The following SYNRG variants were observed in gnomAD, a reference collection of about 807,000 sequenced individuals.
SYNRG encodes the protein AP1 gamma subunit binding protein 1.
A neutral mutation model predicts 130.9 loss-of-function variants in SYNRG; 37 were observed. That is an observed-to-expected ratio of 0.28 (90% CI 0.22 to 0.37). The LOEUF (loss-of-function observed/expected upper bound fraction) is 0.37. Ranked by LOEUF, SYNRG falls within the 10% of genes least tolerant of loss-of-function variation. SYNRG has a pLI of 1.00. For missense variants in SYNRG, 1,338 were observed against 1,588.9 expected (o/e 0.84, Z 2.68); for synonymous variants, 539 against 568.1 (o/e 0.95, Z 0.73).
At chr17:37,541,936 A>G in intron 15 of SYNRG, 36 bp downstream of exon 15, 1 of 1,570,394 alleles carries the variant, frequency 6.4e-7, no homozygotes, top group South Asian at 1.1e-5. Context: ...GTGGAAAAAA[A>G]CCACAATAGT....
intron 6 of SYNRG, among the ~76,000 whole-genome samples, chr17:37,581,259 TTATTATTATTATTAC>T (rs1598490356): frequency 6.7e-6 from 1 of 148,442 alleles, no homozygotes; most frequent in Non-Finnish European, 1.5e-5. Context: ...TTCTTCACAT[TTATTATTATTATTAC>T]TATTATTATT....
At chr17:37,576,553 T>TC in intron 7 of SYNRG, 135 bp from the exon 8 acceptor site, 2 of 686,222 alleles carry the variant, frequency 2.9e-6, no homozygotes. Context: ...AAATACTTGG[T>TC]CCCCCCTGCC....
At chr17:37,573,638 G>T (rs1468254982) in intron 8 of SYNRG, among the ~76,000 whole-genome samples, 3 of 152,154 alleles carry the variant, frequency 2.0e-5, no homozygotes, top group South Asian at 4.1e-4. Flanking sequence ...TTAAAGTACA[G>T]TTGAATTGTA....
At chr17:37,529,738 C>CTT in intron 19 of SYNRG, 1 of 1,531,536 alleles carries the variant, frequency 6.5e-7, no homozygotes, top group Non-Finnish European at 8.8e-7. Context: ...TTATCCTTTC[C>CTT]CCCAAATTCA....
At chr17:37,534,981 T>C (rs1201594994) in intron 19 of SYNRG, among the ~76,000 whole-genome samples, 1 of 152,140 alleles carries the variant, frequency 6.6e-6, no homozygotes, top group African/African-American at 2.4e-5. Flanking sequence ...ATAAAGGATA[T>C]CATCAGAGAC....
Position 37,576,328 on chromosome 17 carries a change from G to A in SYNRG, c.901+13C>T, listed in dbSNP as rs981096869. ...TATCCAGATGGGAATCCTGGGTAAA[G>A]AAGCTTTTTTACCTGGAACCAAACT... is the stretch of plus-strand genomic sequence containing the variant. On this transcript the variant is annotated intron_variant, in intron 8 of 21. Transcript: ENST00000612223. 6.8e-6 allele frequency: 11 copies of A among 1,611,854 alleles called. No homozygotes were observed. The highest frequency in any genetic ancestry group is 1.3e-5 in the African/African-American group (1 of 74,508).
At chr17:37,601,616 G>C (rs969135527) in intron 1 of SYNRG, among the ~76,000 whole-genome samples, 1 of 151,992 alleles carries the variant, frequency 6.6e-6, no homozygotes. Context: ...CCTCATTTTA[G>C]AGCGTAAGAA....
At chr17:37,560,465 C>A (rs2059441483) in intron 13 of SYNRG, among the ~76,000 whole-genome samples, 3 of 151,246 alleles carry the variant, frequency 2.0e-5, no homozygotes, top group Admixed American at 1.3e-4. Flanking sequence ...ACCTCCTGAG[C>A]AGCTGGGACT....
intron 17 of SYNRG, 98 bp from the exon 18 acceptor site, chr17:37,538,518 G>A: frequency 1.3e-6 from 1 of 758,322 alleles, no homozygotes; most frequent in South Asian, 1.8e-5. Context: ...GCCAGGAGGT[G>A]TCAAAAAATC....
At position 37,527,892 on chromosome 17, in the gene SYNRG, C is replaced by T. The variant is rs138692935; in HGVS notation, c.3667-7244G>A. Among the ~76,000 whole-genome samples, 11 of 152,234 alleles carry T rather than the reference C, an allele frequency of 7.2e-5. No individual in the cohort carries two copies. In the East Asian group the frequency reaches 7.7e-4, roughly 11 times the overall value. ...AGGAGCCACAATTTGGAGTTTAAGA[C>T]GGTGTACCCTGCCTTCCTTAGCCCA... On this transcript the variant is annotated intron_variant, in intron 19 of 21. Transcript: ENST00000612223.
chr17:37,541,037 T>C (rs1385433840), intron 15 of SYNRG: 2 of 986,202 alleles, frequency 2.0e-6, no homozygotes, highest in Non-Finnish European at 2.4e-6. Flanking sequence ...TACTGTTCTC[T>C]CTTGCACGGT....
rs1340720788 is a variant in SYNRG, at chr17:37,540,326, C to T, written c.3366+54G>A. On this transcript the variant is annotated intron_variant, in intron 16 of 21. Transcript: ENST00000612223. ...AAGCTGACAGCATTCTTTCTTGGGG[C>T]CCTGTGTGCTTGCTGGTCTGTTACC... 9 of 1,584,758 alleles carry T rather than the reference C, an allele frequency of 5.7e-6. No individual in the cohort carries two copies. In the Admixed American group the frequency reaches 1.4e-4, roughly 25 times the overall value.
intron 1 of SYNRG, among the ~76,000 whole-genome samples, chr17:37,606,944 T>C (rs941796016): frequency 2.6e-5 from 4 of 152,098 alleles, no homozygotes; most frequent in Admixed American, 2.6e-4. Flanking sequence ...TAAAATAATT[T>C]CAGGGAGGGT....
chr17:37,548,042 T>C (rs1404769953), intron 14 of SYNRG, among the ~76,000 whole-genome samples: 1 of 152,222 alleles, frequency 6.6e-6, no homozygotes, highest in Non-Finnish European at 1.5e-5. Context: ...ATTACTCAAT[T>C]TGTGAATGTA....
chr17:37,605,334 A>G (rs1425482813), intron 1 of SYNRG, among the ~76,000 whole-genome samples: 1 of 152,224 alleles, frequency 6.6e-6, no homozygotes, highest in African/African-American at 2.4e-5. Context: ...TAGAGGCTCA[A>G]AAGAATTGGA....
At chr17:37,519,615 T>C (rs568858064) in intron 21 of SYNRG, among the ~76,000 whole-genome samples, 35 of 152,038 alleles carry the variant, frequency 2.3e-4, no homozygotes, top group African/African-American at 8.0e-4. Context: ...TGAATCTACA[T>C]TATCAAAAAG....
chr17:37,600,567 T>C, intron 1 of SYNRG, 164 bp from the exon 2 acceptor site: 1 of 754,506 alleles, frequency 1.3e-6, no homozygotes, highest in Non-Finnish European at 2.4e-6. Flanking sequence ...ATCCATAGGA[T>C]GCATGTCAGC....
At position 37,524,326 on chromosome 17, in the gene SYNRG, TC is replaced by T. The variant is rs551500828; in HGVS notation, c.3667-3679del. On this transcript the variant is annotated intron_variant, in intron 19 of 21. Transcript: ENST00000612223. The stretch of plus-strand genomic sequence containing the variant: ...CCTCACCAGGAAAAAAAAAGATTTC[TC>T]CTTATAAAAATGTGTAGATTATGTA... 2.6e-5 allele frequency among the ~76,000 whole-genome samples: 4 copies of T among 152,364 alleles called. No individual in the cohort carries two copies. In the South Asian group the frequency reaches 8.3e-4, roughly 32 times the overall value.
At chr17:37,542,851 T>G (rs1215388263) in intron 14 of SYNRG, among the ~76,000 whole-genome samples, 4 of 152,230 alleles carry the variant, frequency 2.6e-5, no homozygotes, top group Admixed American at 2.6e-4. Flanking sequence ...AAGTATACAC[T>G]GTTTGATATA....
Sources: allele counts gnomAD v4.1 joint callset (sites outside exome capture counted in the v4.1 genomes callset), GRCh38; gene constraint gnomAD v4.1.1; transcripts MANE v1.5; gene names NCBI Gene and HGNC (gene_info 2026-07-23, HGNC 2026-07-21).